The following WDR82 variants were observed in gnomAD, a reference collection of about 807,000 sequenced individuals.
The protein encoded by WDR82 is WD repeat domain 82.
A neutral mutation model predicts 36.1 loss-of-function variants in WDR82; 8 were observed. The observed-to-expected ratio is 0.22, with a 90% CI of 0.13 to 0.40. The LOEUF is 0.40. WDR82 is among the 10% of genes least tolerant of loss of function. The pLI is 1.00. For synonymous variants in WDR82, 129 were observed against 137.8 expected (o/e 0.94, Z 0.45); for missense variants, 185 against 400.5 (o/e 0.46, Z 4.59).
rs1285554227 is a variant in WDR82, at chr3:52,259,875, G to T, written c.544-3C>A. 6.2e-7 allele frequency: 1 copy of T among 1,609,802 alleles called. No homozygotes were observed. The highest frequency in any genetic ancestry group is 1.7e-5 in the Admixed American group (1 of 59,176). On this transcript the variant is annotated splice_polypyrimidine_tract_variant and splice_region_variant and intron_variant, in intron 5 of 8. Coordinates refer to ENST00000296490, the MANE Select transcript of WDR82 (RefSeq NM_025222.4). ...ATCTTAAAGGTAGCAAATGGCCCCTGCAAAAGATAAAAAACAGTAGCCCCA... is the reference window on the plus strand; with the variant it reads ...ATCTTAAAGGTAGCAAATGGCCCCTTCAAAAGATAAAAAACAGTAGCCCCA...
At chr3:52,275,308 T>C (rs1195328716) in intron 1 of WDR82, among the ~76,000 whole-genome samples, 1 of 151,230 alleles carries the variant, frequency 6.6e-6, no homozygotes, top group African/African-American at 2.4e-5. Context: ...CCTATACTAG[T>C]GACAAAATTT....
chr3:52,259,385 T>C, intron 6 of WDR82, 119 bp from the exon 7 acceptor site: 4 of 1,011,546 alleles, frequency 4.0e-6, no homozygotes, highest in East Asian at 5.1e-5. Context: ...TTCCTTGTCA[T>C]GTACTACACC....
chr3:52,276,982 T>C (rs1700208819), intron 1 of WDR82, among the ~76,000 whole-genome samples: 1 of 148,478 alleles, frequency 6.7e-6, no homozygotes, highest in Non-Finnish European at 1.5e-5. Context: ...TGAAGAGATA[T>C]GTTCCAAAAG....
chr3:52,272,993 T>C (rs1197566828), intron 1 of WDR82, among the ~76,000 whole-genome samples: 2 of 151,996 alleles, frequency 1.3e-5, no homozygotes, highest in Admixed American at 1.3e-4. Flanking sequence ...CCAAGTGCAC[T>C]GTCTGGGGTT....
At chr3:52,259,341 A>G (rs1056548162) in intron 6 of WDR82, 75 bp from the exon 7 acceptor site, 3 of 1,371,896 alleles carry the variant, frequency 2.2e-6, no homozygotes, top group Non-Finnish European at 3.1e-6. Flanking sequence ...ACACTGACTC[A>G]GCACATGCAT....
At position 52,278,233 on chromosome 3, in the gene WDR82, G is replaced by A. The variant is rs748558155; in HGVS notation, c.129C>T (p.Asp43=). ...CCTGGCAGTCATAGAGCACGATGGA[G>A]TCGTCGTCGCTACTCGAGATGACCG... ...GETVISSSDD[D]SIVLYDCQEG... Residue 43 remains aspartate, a synonymous_variant, in exon 1 of 9, where the codon GAC becomes GAT. Coordinates refer to ENST00000296490, the MANE Select transcript of WDR82 (RefSeq NM_025222.4). 2.3e-5 allele frequency: 37 copies of A among 1,607,546 alleles called. No homozygotes were observed. The highest frequency in any genetic ancestry group is 2.9e-5 in the Non-Finnish European group (34 of 1,177,180).
At chr3:52,262,214 A>G (rs1359515346) in intron 3 of WDR82, among the ~76,000 whole-genome samples, 2 of 151,842 alleles carry the variant, frequency 1.3e-5, no homozygotes, top group African/African-American at 4.9e-5. Context: ...CAAATCTATA[A>G]AGACAGAAGT....
In WDR82 at chr3:52,260,316, C is replaced by G. The variant is rs941007774; in HGVS notation, c.543+69G>C. On this transcript the variant is annotated intron_variant, in intron 5 of 8. Transcript: ENST00000296490. ...TGCACTCCAGCCTGGGCAATAAGAGCAAAACTCTGTCTCAAAAACAAAACA... is the reference window on the plus strand; with the variant it reads ...TGCACTCCAGCCTGGGCAATAAGAGGAAAACTCTGTCTCAAAAACAAAACA... 3.2e-6 allele frequency: 4 copies of G among 1,242,452 alleles called. No homozygotes were observed. In the African/African-American group the frequency reaches 6.3e-5, roughly 20 times the overall value. 77.0% of individuals were successfully genotyped at this position (1,242,452 alleles called of 1,614,324 possible).
intron 1 of WDR82, among the ~76,000 whole-genome samples, chr3:52,277,485 A>G (rs1488316534): frequency 6.6e-6 from 1 of 152,242 alleles, no homozygotes; most frequent in Non-Finnish European, 1.5e-5. Flanking sequence ...ACGGAAGCTC[A>G]CATTCAGGTC....
intron 7 of WDR82, 58 bp from the exon 8 acceptor site, chr3:52,258,736 G>T: frequency 6.2e-7 from 1 of 1,608,944 alleles, no homozygotes; most frequent in Non-Finnish European, 8.5e-7. Flanking sequence ...AAGACAACTG[G>T]AAATGAGACA....
chr3:52,265,029 C>T (rs1174963039), intron 3 of WDR82, among the ~76,000 whole-genome samples: 1 of 152,032 alleles, frequency 6.6e-6, no homozygotes, highest in East Asian at 1.9e-4. Flanking sequence ...ATCAGGAGGT[C>T]GGCCAGCCGG....
chr3:52,257,834 T>C (rs1484893483), intron 8 of WDR82, among the ~76,000 whole-genome samples: 3 of 152,022 alleles, frequency 2.0e-5, no homozygotes, highest in African/African-American at 7.2e-5. Context: ...CCTGTCCTCA[T>C]TGCTAATCCA....
At chr3:52,261,553 TG>T (rs1700061878) in intron 3 of WDR82, 74 bp from the exon 4 acceptor site, 1 of 1,315,490 alleles carries the variant, frequency 7.6e-7, no homozygotes, top group African/African-American at 1.5e-5. Flanking sequence ...TAAACCACTC[TG>T]CCTATCTATA....
chr3:52,268,375 A>C (rs1280829996), intron 2 of WDR82: 9 of 471,784 alleles, frequency 1.9e-5, no homozygotes, highest in Non-Finnish European at 3.5e-5. Context: ...ATCAGGCAAA[A>C]GGAAACGGAG....
chr3:52,259,124 C>T, intron 7 of WDR82, 73 bp downstream of exon 7: 1 of 1,341,272 alleles, frequency 7.5e-7, no homozygotes, highest in South Asian at 1.2e-5. Context: ...AATAATGTCT[C>T]AGTTAATAAT....
intron 3 of WDR82, among the ~76,000 whole-genome samples, chr3:52,262,006 T>C (rs1700066458): frequency 6.6e-6 from 1 of 152,096 alleles, no homozygotes; most frequent in African/African-American, 2.4e-5. Context: ...ATAACCCAAA[T>C]GGTCCATTAA....
At position 52,254,965 on chromosome 3, in the gene WDR82, G is replaced by A. The variant is rs1243950953; in HGVS notation, c.*2525C>T. On this transcript the variant is annotated 3_prime_UTR_variant, in exon 9 of 9. Transcript: ENST00000296490. Reference sequence around the variant, plus strand: ...ATTTTTTTTTTTTTTTTTTTGAGACGGAGTTTTGCTGTTGTTGCCCAGGCC... The same window carrying A: ...ATTTTTTTTTTTTTTTTTTTGAGACAGAGTTTTGCTGTTGTTGCCCAGGCC... 2.8e-5 allele frequency: 4 copies of A among 145,038 alleles called. No homozygotes were observed. The highest frequency in any genetic ancestry group is 5.1e-5 in the African/African-American group (2 of 38,922). The allele number at this position is 145,038 out of a possible 1,614,324, so 9.0% of individuals were successfully genotyped here.
chr3:52,258,146 C>G (rs968964813), intron 8 of WDR82, among the ~76,000 whole-genome samples: 1 of 152,088 alleles, frequency 6.6e-6, no homozygotes, highest in Non-Finnish European at 1.5e-5. Context: ...GTAGAAATTT[C>G]TGGGAATTTG....
rs544671208 is a variant in WDR82 at position 52,273,052 on chromosome 3, G to A, written c.162-2243C>T. 3.3e-5 allele frequency among the ~76,000 whole-genome samples: 5 copies of A among 152,318 alleles called. No homozygotes were observed. In the East Asian group the frequency reaches 7.7e-4, roughly 23 times the overall value. On this transcript the variant is annotated intron_variant, in intron 1 of 8. Transcript: ENST00000296490. ...AACCAGTGAGGCAGTCTCAGTGTGTGGCTGTATACTTACTCTCTACATAGT... is the reference window on the plus strand; with the variant it reads ...AACCAGTGAGGCAGTCTCAGTGTGTAGCTGTATACTTACTCTCTACATAGT...
Sources: allele counts gnomAD v4.1 joint callset (sites outside exome capture counted in the v4.1 genomes callset), GRCh38; gene constraint gnomAD v4.1.1; transcripts MANE v1.5; gene names NCBI Gene and HGNC (gene_info 2026-07-23, HGNC 2026-07-21).